The following VSTM4 variants were observed in gnomAD, a reference collection of about 807,000 sequenced individuals.
VSTM4 encodes V-set and transmembrane domain containing 4, also known as V-set and transmembrane domain-containing protein 4.
In VSTM4, 20 loss-of-function variants were observed where a neutral mutation model predicts 36.4. The observed-to-expected ratio is 0.55, with a 90% CI of 0.39 to 0.80. VSTM4 has a LOEUF of 0.80. Ranked by LOEUF, VSTM4 falls within the 30% of genes least tolerant of loss-of-function variation. The pLI is 0.00. For synonymous variants in VSTM4, 182 were observed against 173.9 expected (o/e 1.05, Z -0.37); for missense variants, 392 against 404.5 (o/e 0.97, Z 0.26).
intron 7 of VSTM4, among the ~76,000 whole-genome samples, chr10:49,041,345 G>A (rs1376803234): frequency 6.6e-6 from 1 of 152,056 alleles, no homozygotes; most frequent in Non-Finnish European, 1.5e-5. Context: ...CAATTTCTTT[G>A]TATTTTAAAT....
At chr10:49,039,251 T>C (rs1410592063) in intron 7 of VSTM4, among the ~76,000 whole-genome samples, 1 of 151,764 alleles carries the variant, frequency 6.6e-6, no homozygotes, top group Non-Finnish European at 1.5e-5. Context: ...CCTAGACCAA[T>C]TGGGGTCTCA....
chr10:49,079,610 A>G (rs139830941), intron 3 of VSTM4, among the ~76,000 whole-genome samples: 1 of 152,212 alleles, frequency 6.6e-6, no homozygotes. Flanking sequence ...TCCAAGAAAG[A>G]TAAAAATGCA....
At chr10:49,108,102 G>A in intron 1 of VSTM4, 107 bp from the exon 2 acceptor site, 1 of 1,403,554 alleles carries the variant, frequency 7.1e-7, no homozygotes, top group Non-Finnish European at 9.4e-7. Flanking sequence ...GGGCATCCTA[G>A]TGCTCTGCCT....
chr10:49,093,896 T>C (rs1424134376), intron 2 of VSTM4, among the ~76,000 whole-genome samples: 1 of 151,932 alleles, frequency 6.6e-6, no homozygotes, highest in Admixed American at 6.5e-5. Flanking sequence ...CACAGGTGCC[T>C]GCCATAACGC....
chr10:49,099,930 C>G (rs1208096288), intron 2 of VSTM4, among the ~76,000 whole-genome samples: 2 of 152,122 alleles, frequency 1.3e-5, no homozygotes, highest in South Asian at 2.1e-4. Flanking sequence ...GCAGGAGAAT[C>G]GCTTGAACCC....
At chr10:49,040,023 G>A (rs1404149727) in intron 7 of VSTM4, among the ~76,000 whole-genome samples, 4 of 152,162 alleles carry the variant, frequency 2.6e-5, no homozygotes, top group East Asian at 1.9e-4. Context: ...TAGCTCCTAC[G>A]GCCCCAGGAG....
chr10:49,086,095 C>T, intron 2 of VSTM4, 72 bp from the exon 3 acceptor site: 1 of 974,652 alleles, frequency 1.0e-6, no homozygotes, highest in Non-Finnish European at 1.5e-6. Context: ...CTTACATTTA[C>T]AAAGCAATTT....
intron 7 of VSTM4, among the ~76,000 whole-genome samples, chr10:49,036,337 G>A (rs1021529580): frequency 1.3e-5 from 2 of 152,194 alleles, no homozygotes; most frequent in South Asian, 4.1e-4. Context: ...TACTAGCGTG[G>A]TACAAGCAAA....
intron 7 of VSTM4, among the ~76,000 whole-genome samples, chr10:49,021,171 A>T (rs1483555404): frequency 6.7e-6 from 1 of 149,318 alleles, no homozygotes; most frequent in Non-Finnish European, 1.5e-5. Context: ...ATTTTTCAAT[A>T]AATGCTGTTG....
chr10:49,085,731 A>T (rs1181387988), intron 3 of VSTM4, among the ~76,000 whole-genome samples: 1 of 151,902 alleles, frequency 6.6e-6, no homozygotes, highest in Admixed American at 6.6e-5. Context: ...GTGAGGCTGC[A>T]TCTTATCGTG....
In VSTM4 at chr10:49,069,276, C is replaced by T. The variant is rs142858590; in HGVS notation, c.635-4540G>A. Among the ~76,000 whole-genome samples the T allele has an allele frequency of 3.1e-3, 474 of 152,310 alleles. 2 individuals are homozygous for T. The highest frequency in any genetic ancestry group is 0.011 in the African/African-American group (459 of 41,558). On this transcript the variant is annotated intron_variant, in intron 4 of 7. Transcript: ENST00000332853. ...ACCCACCTTACCCCTATGCCCTGGC[C>T]ACGTCTTCTGACCTCCAGGCTTTGC...
chr10:49,113,801 G>A (rs546097508), intron 1 of VSTM4, among the ~76,000 whole-genome samples: 1 of 152,244 alleles, frequency 6.6e-6, no homozygotes, highest in African/African-American at 2.4e-5. Flanking sequence ...TCGTGGTGAG[G>A]AGTCATGAAT....
intron 3 of VSTM4, among the ~76,000 whole-genome samples, chr10:49,085,319 G>C (rs1037337527): frequency 1.3e-5 from 2 of 152,208 alleles, no homozygotes; most frequent in Non-Finnish European, 2.9e-5. Context: ...AATTAAATCA[G>C]AATCTCTAGA....
At chr10:49,103,735 T>G in intron 2 of VSTM4, 1 of 1,612,116 alleles carries the variant, frequency 6.2e-7, no homozygotes, top group Non-Finnish European at 8.5e-7. Flanking sequence ...AGCAATTTTA[T>G]CTCACATCAA....
At chr10:49,102,933 G>T in intron 2 of VSTM4, 1 of 193,028 alleles carries the variant, frequency 5.2e-6, no homozygotes, top group Non-Finnish European at 9.5e-6. Context: ...TGCTATCTGG[G>T]CATCGTTTAG....
At chr10:49,100,520 A>G (rs895550882) in intron 2 of VSTM4, among the ~76,000 whole-genome samples, 1 of 152,206 alleles carries the variant, frequency 6.6e-6, no homozygotes, top group African/African-American at 2.4e-5. Context: ...TAAAATACCT[A>G]GAAGTAAATA....
At chr10:49,023,020 G>A (rs1224965248) in intron 7 of VSTM4, among the ~76,000 whole-genome samples, 5 of 152,184 alleles carry the variant, frequency 3.3e-5, no homozygotes, top group East Asian at 3.9e-4. Flanking sequence ...ATAAATAATT[G>A]CATCTAGAAA....
chr10:49,082,933 T>C (rs1267143701), intron 3 of VSTM4, among the ~76,000 whole-genome samples: 1 of 152,170 alleles, frequency 6.6e-6, no homozygotes, highest in African/African-American at 2.4e-5. Context: ...GGGTGCATAA[T>C]GTCAGCATGC....
intron 4 of VSTM4, among the ~76,000 whole-genome samples, chr10:49,068,491 C>T (rs1026863113): frequency 4.6e-5 from 7 of 152,080 alleles, no homozygotes; most frequent in African/African-American, 1.2e-4. Context: ...GCTGAGGCAC[C>T]GTTCTGAGAT....
Sources: allele counts gnomAD v4.1 joint callset (sites outside exome capture counted in the v4.1 genomes callset), GRCh38; gene constraint gnomAD v4.1.1; transcripts MANE v1.5; gene names NCBI Gene and HGNC (gene_info 2026-07-23, HGNC 2026-07-21).